ENTPD1: variants seen among roughly 807,000 people sequenced by gnomAD.
ENTPD1 encodes the protein ATP diphosphohydrolase.
A neutral mutation model predicts 57.0 loss-of-function variants in ENTPD1; 33 were observed. The observed-to-expected ratio is 0.58, with a 90% CI of 0.44 to 0.77. ENTPD1 has a LOEUF of 0.77. ENTPD1 is among the 30% of genes least tolerant of loss of function. The pLI is 0.00. For missense variants in ENTPD1, 501 were observed against 603.4 expected, an observed-to-expected ratio of 0.83 and a Z score of 1.78; for synonymous variants, 202 against 218.8, an observed-to-expected ratio of 0.92 and a Z score of 0.68.
chr10:95,806,821 C>T (rs2098274692), intron 1 of ENTPD1, among the ~76,000 whole-genome samples: 2 of 152,208 alleles, frequency 1.3e-5, no homozygotes, highest in Admixed American at 6.5e-5. Flanking sequence ...CCAGCGGAGG[C>T]TGCAGAACAG....
At chr10:95,812,618 T>C (rs1168651932) in intron 1 of ENTPD1, among the ~76,000 whole-genome samples, 4 of 152,224 alleles carry the variant, frequency 2.6e-5, no homozygotes, top group Admixed American at 6.5e-5. Flanking sequence ...GTGGGATTGC[T>C]CAATTTTATG....
upstream of ENTPD1, chr10:95,753,430 T>C (rs908283495): frequency 1.3e-5 from 2 of 152,224 alleles, no homozygotes; most frequent in African/African-American, 4.8e-5. Context: ...AAAAGGCTCA[T>C]GTAATATGAA....
chr10:95,744,620 C>T (rs1339456919), intron 1 of ENTPD1, among the ~76,000 whole-genome samples: 1 of 140,840 alleles, frequency 7.1e-6, no homozygotes, highest in East Asian at 2.2e-4. Flanking sequence ...GACTCTGTCT[C>T]AAAAAAAAAA....
At position 95,875,952 on chromosome 10, in the gene ENTPD1, A is replaced by C. The variant is rs889743229; in HGVS notation, c.*9569A>C. 2 of 985,248 alleles carry C rather than the reference A, an allele frequency of 2.0e-6. No individual in the cohort carries two copies. Among genetic ancestry groups the C allele is most frequent in the Admixed American group, 6.1e-5 (1 of 16,270 alleles). The allele number at this position is 985,248 out of a possible 1,614,324, so 61.0% of individuals were successfully genotyped here. A position where few individuals can be genotyped will look rare whatever the true frequency, so the allele number is the denominator to read the frequency against. The stretch of plus-strand genomic sequence containing the variant: ...CAAGTTGAGATTTGGGTGGGGACAC[A>C]GCCAAACCATATCAATGATTTTGTA... On this transcript the variant is annotated 3_prime_UTR_variant, in exon 10 of 10. Coordinates refer to ENST00000371205, the MANE Select transcript of ENTPD1 (RefSeq NM_001776.6).
intron 2 of ENTPD1, 86 bp from the exon 3 acceptor site, chr10:95,839,605 T>C: frequency 7.3e-7 from 1 of 1,376,428 alleles, no homozygotes; most frequent in East Asian, 2.3e-5. Flanking sequence ...CTCATGTTTT[T>C]GAAAATTCCA....
At chr10:95,699,610 A>G in the ENTPD1 span, among the ~76,000 whole-genome samples, 1 of 116,438 alleles carries the variant, frequency 8.6e-6, no homozygotes, top group Non-Finnish European at 2.1e-5. Flanking sequence ...CCTGTCCAAA[A>G]AAAAAGAAAG....
intron 1 of ENTPD1, among the ~76,000 whole-genome samples, chr10:95,822,682 A>G (rs2098357964): frequency 6.6e-6 from 1 of 152,218 alleles, no homozygotes; most frequent in Non-Finnish European, 1.5e-5. Flanking sequence ...ATAAGATAAT[A>G]TGAATTATGA....
chr10:95,705,411 T>A, the ENTPD1 span, among the ~76,000 whole-genome samples: 1 of 152,146 alleles, frequency 6.6e-6, no homozygotes, highest in Non-Finnish European at 1.5e-5. Flanking sequence ...GCAAAATGTA[T>A]ATAAATTGTA....
intron 2 of ENTPD1, among the ~76,000 whole-genome samples, chr10:95,838,290 G>T (rs1302361766): frequency 6.6e-6 from 1 of 152,126 alleles, no homozygotes; most frequent in Admixed American, 6.5e-5. Flanking sequence ...TGGGCATTGA[G>T]CAGTTTACTC....
intron 1 of ENTPD1, among the ~76,000 whole-genome samples, chr10:95,748,591 A>T (rs1258375834): frequency 2.6e-5 from 4 of 152,226 alleles, no homozygotes; most frequent in African/African-American, 9.6e-5. Flanking sequence ...CCAGCAGATA[A>T]GGGCTTTGGA....
In ENTPD1 at chr10:95,868,262, C is replaced by T; in HGVS notation, c.*1879C>T. 1.0e-6 allele frequency: 1 copy of T among 985,442 alleles called. No homozygotes were observed. The highest frequency in any genetic ancestry group is 1.2e-6 in the Non-Finnish European group (1 of 829,934). 61.0% of individuals were successfully genotyped at this position (985,442 alleles called of 1,614,324 possible). ...TCCCGAACATACCAGGCTGTCTCCT[C>T]ATAACTTCCAAGCATGCACTTAAAA... On this transcript the variant is annotated 3_prime_UTR_variant, in exon 10 of 10. Transcript: ENST00000371205.
intron 1 of ENTPD1, among the ~76,000 whole-genome samples, chr10:95,724,161 C>CA (rs35316347): frequency 0.16 from 7,912 of 50,214 alleles, 945 homozygotes; most frequent in African/African-American, 0.26. Flanking sequence ...GACTCTGTCT[C>CA]AAAAAAAAAA....
intron 7 of ENTPD1, 80 bp downstream of exon 7, chr10:95,847,786 A>G: frequency 1.3e-6 from 2 of 1,598,558 alleles, no homozygotes. Context: ...TTTAAATAAT[A>G]GGATGCATTT....
intron 1 of ENTPD1, among the ~76,000 whole-genome samples, chr10:95,778,982 A>T (rs1403117502): frequency 6.6e-6 from 1 of 152,182 alleles, no homozygotes; most frequent in Non-Finnish European, 1.5e-5. Flanking sequence ...TGTTGGTCAT[A>T]GACCAAAAGT....
intron 7 of ENTPD1, among the ~76,000 whole-genome samples, chr10:95,851,805 A>G (rs1426173984): frequency 6.6e-6 from 1 of 152,094 alleles, no homozygotes; most frequent in Non-Finnish European, 1.5e-5. Context: ...TATATGTGCC[A>G]CATTTTCTTA....
At chr10:95,837,980 ACAC>A (rs2098414275) in intron 2 of ENTPD1, among the ~76,000 whole-genome samples, 1 of 150,758 alleles carries the variant, frequency 6.6e-6, no homozygotes, top group Non-Finnish European at 1.5e-5. Flanking sequence ...ACACACACAC[ACAC>A]CACACACCCA....
intron 1 of ENTPD1, among the ~76,000 whole-genome samples, chr10:95,749,832 A>G (rs530100800): frequency 6.6e-6 from 1 of 152,286 alleles, no homozygotes; most frequent in East Asian, 1.9e-4. Flanking sequence ...ATTTTGAGCA[A>G]AAGAGTTCCA....
chr10:95,694,425 A>ATT, the ENTPD1 span, among the ~76,000 whole-genome samples: 14 of 148,288 alleles, frequency 9.4e-5, no homozygotes, highest in African/African-American at 2.8e-4. Flanking sequence ...CTTTTTTAAA[A>ATT]AAAAAAAAAA....
At chr10:95,840,340 A>G (rs1389638755) in intron 3 of ENTPD1, among the ~76,000 whole-genome samples, 2 of 152,224 alleles carry the variant, frequency 1.3e-5, no homozygotes, top group Non-Finnish European at 2.9e-5. Context: ...GAGTCAGCAG[A>G]TCTGGAATGA....
Sources: gnomAD v4.1 joint callset for allele counts (sites outside exome capture counted in the v4.1 genomes callset) on GRCh38, gnomAD v4.1.1 for gene constraint, MANE v1.5 for transcripts, NCBI Gene and HGNC (gene_info 2026-07-23, HGNC 2026-07-21) for gene names.